MYOM3: variants seen among roughly 807,000 people sequenced by gnomAD.
MYOM3 encodes the protein myomesin-3.
A neutral mutation model predicts 191.7 loss-of-function variants in MYOM3; 155 were observed. The ratio of observed to expected loss-of-function variants is 0.81; its 90% CI spans 0.71 to 0.92. MYOM3 has a LOEUF of 0.92. MYOM3 is among the 40% of genes least tolerant of loss of function. MYOM3 has a pLI of 0.00. For synonymous variants in MYOM3, 757 were observed against 762.9 expected (o/e 0.99, Z 0.13); for missense variants, 1,889 against 1,890.6 (o/e 1.00, Z 0.02).
intron 20 of MYOM3, among the ~76,000 whole-genome samples, chr1:24,077,206 G>A (rs1214816283): frequency 6.6e-6 from 1 of 152,174 alleles, no homozygotes; most frequent in African/African-American, 2.4e-5. Context: ...CTCACCTGGG[G>A]CAGTCCAACA....
At chr1:24,081,562 GC>G (rs1212642819) in intron 18 of MYOM3, 106 bp from the exon 19 acceptor site, 16 of 1,343,678 alleles carry the variant, frequency 1.2e-5, no homozygotes, top group Non-Finnish European at 1.5e-5. Context: ...TGGGGGCTTT[GC>G]TTTTATTTTT....
rs750683580 is a variant in MYOM3, at chr1:24,094,934, G to A, written c.847C>T (p.Arg283Cys). 7 of 1,613,980 alleles carry A rather than the reference G, an allele frequency of 4.3e-6. No homozygotes were observed. The Middle Eastern group carries it at 4.9e-4, about 114-fold the overall frequency. ...GACAGGGAGAAGGGTTCCTTCTCAC[G>A]AGCAAAGACTGGCTTCAGCACCGAG... ...FTSVLKPVFA[R>C]EKEPFSLSCL... Residue 283 changes from arginine (R) to cysteine (C), a missense_variant, in exon 9 of 37, where the codon CGT becomes TGT. Physicochemically the swap from Arg to Cys is radical, Grantham distance 180 (BLOSUM62 -3). Coordinates refer to ENST00000374434, the MANE Select transcript of MYOM3 (RefSeq NM_152372.4).
chr1:24,077,414 C>A (rs1643615632), intron 20 of MYOM3, among the ~76,000 whole-genome samples: 1 of 152,226 alleles, frequency 6.6e-6, no homozygotes, highest in African/African-American at 2.4e-5. Context: ...ACTCCACACT[C>A]TCTCAGTATC....
chr1:24,093,779 G>GATGGCTCC (rs1643864289), intron 9 of MYOM3, among the ~76,000 whole-genome samples: 1 of 152,166 alleles, frequency 6.6e-6, no homozygotes, highest in African/African-American at 2.4e-5. Flanking sequence ...CCTTGTTATT[G>GATGGCTCC]CAGCTGTCAG....
Position 24,111,825 on chromosome 1 carries a change from C to T in MYOM3, c.-19+206G>A, listed in dbSNP as rs1050315302. 6.6e-6 allele frequency among the ~76,000 whole-genome samples: 1 copy of T among 151,890 alleles called. No individual in the cohort carries two copies. Among genetic ancestry groups the T allele is most frequent in the Non-Finnish European group, 1.5e-5 (1 of 67,972 alleles). On this transcript the variant is annotated intron_variant, in intron 1 of 36. Coordinates refer to ENST00000374434, the MANE Select transcript of MYOM3 (RefSeq NM_152372.4). The surrounding 1 kb of genome is among the most constrained non-coding windows in gnomAD (Gnocchi z 4.7). ...GGCCACACAGAACAGTGGGATGGGG[C>T]AGGGGTTTCTGGAATCCCCTCCCAT...
intron 23 of MYOM3, among the ~76,000 whole-genome samples, chr1:24,073,161 G>C (rs1173288593): frequency 6.6e-6 from 1 of 152,190 alleles, no homozygotes; most frequent in East Asian, 1.9e-4. Context: ...TACGGGTGAG[G>C]AAACTGAGGC....
In MYOM3 at chr1:24,057,000, G is replaced by A; in HGVS notation, c.*364C>T. On this transcript the variant is annotated 3_prime_UTR_variant, in exon 37 of 37. Coordinates refer to ENST00000374434, the MANE Select transcript of MYOM3 (RefSeq NM_152372.4). ...GTATCAGTTTATGGCAGGGCTCATG[G>A]CCCTTGGCACTTTTGACATCTGGGG... 4.4e-6 allele frequency: 1 copy of A among 228,826 alleles called. No individual in the cohort carries two copies. Among genetic ancestry groups the A allele is most frequent in the South Asian group, 1.2e-4 (1 of 8,154 alleles). The allele number at this position is 228,826 out of a possible 1,614,324, so 14.2% of individuals were successfully genotyped here.
Position 24,067,108 on chromosome 1 carries a change from G to T in MYOM3, c.3356-20C>A. The T allele has an allele frequency of 6.4e-7, 1 of 1,563,066 alleles. No homozygotes were observed. Among genetic ancestry groups the T allele is most frequent in the Non-Finnish European group, 8.7e-7 (1 of 1,152,094 alleles). On this transcript the variant is annotated intron_variant, in intron 27 of 36. Coordinates refer to ENST00000374434, the MANE Select transcript of MYOM3 (RefSeq NM_152372.4). ...AGGGACCTGTGCGTGCAAAACAAAT[G>T]TGCCCACTGTCAGAGAGCCAGGCTC...
At chr1:24,106,939 G>A (rs2148562527) in intron 4 of MYOM3, 134 bp downstream of exon 4, 2 of 827,090 alleles carry the variant, frequency 2.4e-6, no homozygotes, top group South Asian at 3.7e-5. Flanking sequence ...CCACTGGAAT[G>A]TAGGGGCATC....
intron 17 of MYOM3, 113 bp from the exon 18 acceptor site, chr1:24,082,301 G>A (rs1643680949): frequency 5.6e-6 from 6 of 1,072,472 alleles, no homozygotes; most frequent in Admixed American, 2.8e-5. Context: ...CCTACTCCAG[G>A]GGTTTTTCCC....
At chr1:24,066,208 T>C (rs1488903911) in intron 28 of MYOM3, 1 of 717,794 alleles carries the variant, frequency 1.4e-6, no homozygotes, top group South Asian at 1.5e-5. Context: ...GAAATGTCCA[T>C]GTGCTTCAGT....
At chr1:24,093,586 G>C (rs78891695) in intron 9 of MYOM3, among the ~76,000 whole-genome samples, 1 of 151,884 alleles carries the variant, frequency 6.6e-6, no homozygotes, top group Non-Finnish European at 1.5e-5. Context: ...GGGAGTGAGG[G>C]CTCTCGGGAT....
At chr1:24,096,323 G>A (rs1221159843) in intron 7 of MYOM3, among the ~76,000 whole-genome samples, 2 of 152,200 alleles carry the variant, frequency 1.3e-5, no homozygotes, top group African/African-American at 4.8e-5. Context: ...TGGTAGTGGC[G>A]GTGAGTGGAG....
intron 35 of MYOM3, among the ~76,000 whole-genome samples, chr1:24,060,109 T>C (rs1643351656): frequency 6.6e-6 from 1 of 152,176 alleles, no homozygotes; most frequent in South Asian, 2.1e-4. Flanking sequence ...GGGGCTTCTG[T>C]TCAGGATGAC....
Position 24,062,002 on chromosome 1 carries a change from A to G in MYOM3, c.3878T>C (p.Leu1293Pro), listed in dbSNP as rs1240062031. 6 of 1,614,068 alleles carry G rather than the reference A, an allele frequency of 3.7e-6. No individual in the cohort carries two copies. Among genetic ancestry groups the G allele is most frequent in the Non-Finnish European group, 5.1e-6 (6 of 1,180,046 alleles). Residue 1293 changes from leucine (L) to proline (P), a missense_variant, in exon 33 of 37, where the codon CTG becomes CCG. Leu to Pro is a moderately conservative substitution (Grantham distance 98, BLOSUM62 -3). Transcript: ENST00000374434. ...GACTTCCTTCCCTGCAGCTATTTCC[A>G]GAGTGTATTTGCCCTTGTCTGAGTC... Reference protein sequence around the residue: ...PKDSDKGKYTLEIAAGKEVRQ... With the variant: ...PKDSDKGKYTPEIAAGKEVRQ...
intron 35 of MYOM3, among the ~76,000 whole-genome samples, chr1:24,059,597 G>T (rs1420884964): frequency 6.6e-6 from 1 of 152,248 alleles, no homozygotes; most frequent in Non-Finnish European, 1.5e-5. Flanking sequence ...CCAGGAAGAA[G>T]GTAAGTGGGA....
At chr1:24,068,788 A>G (rs554290958) in intron 25 of MYOM3, among the ~76,000 whole-genome samples, 1 of 152,080 alleles carries the variant, frequency 6.6e-6, no homozygotes, top group South Asian at 2.1e-4. Context: ...CAGTGGCGCA[A>G]TCTCGGCTCA....
At chr1:24,110,488 G>A (rs1364098836) in intron 1 of MYOM3, among the ~76,000 whole-genome samples, 1 of 152,180 alleles carries the variant, frequency 6.6e-6, no homozygotes, top group East Asian at 1.9e-4. Context: ...TTATTGGAGA[G>A]CCGTTGGCCT....
Position 24,107,997 on chromosome 1 carries a change from A to G in MYOM3, c.238T>C (p.Ser80Pro), listed in dbSNP as rs754398855. The stretch of plus-strand genomic sequence containing the variant: ...TGGGAAGCTTCTCTGACTCACCAAG[A>G]CAGCTCGGAGGAGGCCGTCAGAGCC... Reference protein sequence around the residue: ...ALALTASSELSWEAQLRRQTS... With the variant: ...ALALTASSELPWEAQLRRQTS... Residue 80 changes from serine (S) to proline (P), a missense_variant, in exon 3 of 37, where the codon TCT becomes CCT. Physicochemically the swap from Ser to Pro is moderately conservative, Grantham distance 74 (BLOSUM62 -1). Coordinates refer to ENST00000374434, the MANE Select transcript of MYOM3 (RefSeq NM_152372.4). 3 of 1,613,312 alleles carry G rather than the reference A, an allele frequency of 1.9e-6. No homozygotes were observed. The highest frequency in any genetic ancestry group is 2.2e-5 in the East Asian group (1 of 44,826).
Sources: gnomAD v4.1 joint callset for allele counts (sites outside exome capture counted in the v4.1 genomes callset) on GRCh38, gnomAD v4.1.1 for gene constraint, Gnocchi (gnomAD v3.1) non-coding constraint, MANE v1.5 for transcripts, NCBI Gene and HGNC (gene_info 2026-07-23, HGNC 2026-07-21) for gene names.